The following VPS13D variants were observed in gnomAD, a reference collection of about 807,000 sequenced individuals.
VPS13D encodes the protein vacuolar protein sorting 13 homolog D, also known as intermembrane lipid transfer protein VPS13D.
A neutral mutation model predicts 461.9 loss-of-function variants in VPS13D; 187 were observed. The ratio of observed to expected loss-of-function variants is 0.40; its 90% CI spans 0.36 to 0.46. The LOEUF is 0.46. VPS13D is among the 20% of genes least tolerant of loss of function. VPS13D has a pLI of 0.60. For synonymous variants in VPS13D, 1,951 were observed against 1,986.3 expected (o/e 0.98, Z 0.47); for missense variants, 4,711 against 5,364.9 (o/e 0.88, Z 3.81).
At position 12,327,688 on chromosome 1, in the gene VPS13D, G is replaced by A. The variant is rs147189508; in HGVS notation, c.8031G>A (p.Ala2677=). 1.1e-4 allele frequency: 175 copies of A among 1,613,960 alleles called. 1 individual carries two copies. Among genetic ancestry groups the A allele is most frequent in the South Asian group, 5.9e-4 (54 of 91,066 alleles). ...CAGCAAGTTGGTTGTTTAAGAATGC[G>A]GAACCTCTGAAGTCTCTTTCCTTGG... ...KKAASWLFKN[A]EPLKSLSLAS... The change falls in exon 36 of 70, where the codon GCG becomes GCA. Residue 2677 remains alanine, a synonymous_variant. Transcript: ENST00000620676.
chr1:12,495,583 T>A lies in VPS13D; in HGVS notation c.12663-1917T>A, dbSNP rs1289200658. ...TACAAATCCAGGGATCCTTTGTTAG[T>A]TATGATCGAGATGGAGAAATAGTCA... On this transcript the variant is annotated intron_variant, in intron 67 of 69. Coordinates refer to ENST00000620676, the MANE Select transcript of VPS13D (RefSeq NM_015378.4). The surrounding 1 kb of genome is among the most constrained non-coding windows in gnomAD (Gnocchi z 4.0). Among the ~76,000 whole-genome samples, 1 of 152,208 alleles carries A rather than the reference T, an allele frequency of 6.6e-6. No homozygotes were observed. The highest frequency in any genetic ancestry group is 2.4e-5 in the African/African-American group (1 of 41,430).
intron 63 of VPS13D, among the ~76,000 whole-genome samples, chr1:12,414,496 A>G (rs1296052620): frequency 2.2e-5 from 3 of 139,094 alleles, no homozygotes; most frequent in African/African-American, 5.0e-5. Context: ...AATGTTGTCT[A>G]TGAGAAGCCA....
At chr1:12,352,623 G>A (rs1643820703) in intron 46 of VPS13D, among the ~76,000 whole-genome samples, 1 of 152,178 alleles carries the variant, frequency 6.6e-6, no homozygotes, top group African/African-American at 2.4e-5. Context: ...TAGTAGGAGT[G>A]TAAAATGGTA....
At position 12,323,754 on chromosome 1, in the gene VPS13D, G is replaced by T; in HGVS notation, c.7964G>T (p.Cys2655Phe). The T allele has an allele frequency of 6.2e-7, 1 of 1,614,076 alleles. No homozygotes were observed. Among genetic ancestry groups the T allele is most frequent in the South Asian group, 1.1e-5 (1 of 91,082 alleles). ...LQELGFSMDD[C>F]RKALLACQGQ... ...GAGCTGGGATTCAGCATGGATGATT[G>T]TCGCAAAGCTCTTTTGGCGTGTCAA... Residue 2655 changes from cysteine (C) to phenylalanine (F), a missense_variant, in exon 35 of 70, where the codon TGT becomes TTT. Physicochemically the swap from Cys to Phe is radical, Grantham distance 205 (BLOSUM62 -2). This residue lies in a region of VPS13D where 4,411 missense variants were observed against 4,937.8 expected (regional missense o/e 0.89). Coordinates refer to ENST00000620676, the MANE Select transcript of VPS13D (RefSeq NM_015378.4).
At chr1:12,437,760 T>A (rs1645080051) in intron 65 of VPS13D, among the ~76,000 whole-genome samples, 1 of 152,236 alleles carries the variant, frequency 6.6e-6, no homozygotes, top group Non-Finnish European at 1.5e-5. Flanking sequence ...CAGGAATGAC[T>A]GTTTTTCTGC....
At position 12,457,764 on chromosome 1, in the gene VPS13D, C is replaced by A. The variant is rs150826478; in HGVS notation, c.12466+1634C>A. Among the ~76,000 whole-genome samples, 682 of 152,284 alleles carry A rather than the reference C, an allele frequency of 4.5e-3. 5 individuals are homozygous for A. The highest frequency in any genetic ancestry group is 0.015 in the African/African-American group (611 of 41,550). On this transcript the variant is annotated intron_variant, in intron 66 of 69. Transcript: ENST00000620676. ...TTGGATCAAAATGCCTTTGCTTTTC[C>A]TAAGGCTGCCCAACCGTAAAGGGAG... is the stretch of plus-strand genomic sequence containing the variant.
chr1:12,372,547 A>G (rs1644134747), intron 54 of VPS13D, among the ~76,000 whole-genome samples: 1 of 152,098 alleles, frequency 6.6e-6, no homozygotes, highest in South Asian at 2.1e-4. Flanking sequence ...CCATATTTCA[A>G]ATGGAATTAT....
intron 22 of VPS13D, among the ~76,000 whole-genome samples, 179 bp downstream of exon 22, chr1:12,288,492 T>G (rs1371535957): frequency 6.6e-6 from 1 of 152,136 alleles, no homozygotes; most frequent in Non-Finnish European, 1.5e-5. Flanking sequence ...TGGATCAGAA[T>G]CATCTGGATA....
intron 57 of VPS13D, among the ~76,000 whole-genome samples, chr1:12,381,934 C>CTTTCT (rs1644282071): frequency 9.3e-6 from 1 of 107,318 alleles, no homozygotes. Context: ...TTCTTTCTTT[C>CTTTCT]TTTCTTTCTT....
chr1:12,484,091 C>T (rs1395606772), intron 67 of VPS13D, among the ~76,000 whole-genome samples: 1 of 151,858 alleles, frequency 6.6e-6, no homozygotes. Flanking sequence ...TTTTTGTTTC[C>T]TCCTATTTCT....
intron 36 of VPS13D, among the ~76,000 whole-genome samples, 199 bp downstream of exon 36, chr1:12,328,053 T>A (rs2101546243): frequency 6.6e-6 from 1 of 152,318 alleles, no homozygotes; most frequent in Non-Finnish European, 1.5e-5. Context: ...GCCTATAGCT[T>A]GGGAATAGGA....
intron 65 of VPS13D, among the ~76,000 whole-genome samples, chr1:12,455,078 T>C (rs138747494): frequency 2.0e-3 from 312 of 152,320 alleles, no homozygotes; most frequent in African/African-American, 6.8e-3. Flanking sequence ...CCAGGATAAA[T>C]AAAATCTCTG....
chr1:12,450,628 T>C (rs1645251530), intron 65 of VPS13D, among the ~76,000 whole-genome samples: 1 of 152,202 alleles, frequency 6.6e-6, no homozygotes, highest in African/African-American at 2.4e-5. Flanking sequence ...CACGTGATCA[T>C]GAAGAGGGAA....
intron 64 of VPS13D, among the ~76,000 whole-genome samples, chr1:12,415,927 C>T (rs757652581): frequency 6.6e-6 from 1 of 151,992 alleles, no homozygotes; most frequent in Non-Finnish European, 1.5e-5. Flanking sequence ...ACCTGTAATC[C>T]GAGTACTTGG....
In VPS13D at chr1:12,277,478, C is replaced by G. The variant is rs1557681221; in HGVS notation, c.3890C>G (p.Ala1297Gly). 2 of 1,613,984 alleles carry G rather than the reference C, an allele frequency of 1.2e-6. No homozygotes were observed. The highest frequency in any genetic ancestry group is 1.7e-6 in the Non-Finnish European group (2 of 1,180,034). Residue 1297 changes from alanine to glycine, a missense_variant, in exon 19 of 70, where the codon GCT (alanine) becomes GGT (glycine). By Grantham distance (60) the Ala-to-Gly change is moderately conservative (BLOSUM62 0). Transcript: ENST00000620676. ...GCTTCTTTACATTATAACCACTCTG[C>G]TAAGTTTTTGAAGGAGTTGACGTTA... ...KMASLHYNHS[A>G]KFLKELTLSM...
chr1:12,334,356 T>A (rs1406271082), intron 38 of VPS13D, among the ~76,000 whole-genome samples: 3 of 152,244 alleles, frequency 2.0e-5, no homozygotes, highest in African/African-American at 4.8e-5. Context: ...TCACAACATC[T>A]CTTACTCTAG....
Position 12,378,600 on chromosome 1 carries a change from C to A in VPS13D, c.11081+9C>A. 1 of 1,540,074 alleles carries A rather than the reference C, an allele frequency of 6.5e-7. No homozygotes were observed. The highest frequency in any genetic ancestry group is 1.2e-5 in the South Asian group (1 of 80,370). On this transcript the variant is annotated intron_variant, in intron 56 of 69. Transcript: ENST00000620676. ...GCAGTGACTGACAACAGGTAATTTT[C>A]TAGGCAACTTTTGATTCAAGCTCAT...
intron 29 of VPS13D, among the ~76,000 whole-genome samples, chr1:12,313,620 G>C (rs1223366391): frequency 6.6e-6 from 1 of 152,106 alleles, no homozygotes; most frequent in South Asian, 2.1e-4. Flanking sequence ...TGCATTTCCT[G>C]TTGGTAGATT....
At chr1:12,354,749 C>G (rs1643871831) in intron 47 of VPS13D, among the ~76,000 whole-genome samples, 1 of 152,208 alleles carries the variant, frequency 6.6e-6, no homozygotes, top group Non-Finnish European at 1.5e-5. Context: ...AGCACTCACT[C>G]TATTCCAGGC....
Sources: allele counts gnomAD v4.1 joint callset (sites outside exome capture counted in the v4.1 genomes callset), GRCh38; gene constraint gnomAD v4.1.1; regional missense constraint gnomAD v4.1.1; non-coding constraint Gnocchi (gnomAD v3.1); transcripts MANE v1.5; gene names NCBI Gene and HGNC (gene_info 2026-07-23, HGNC 2026-07-21).